The following KANK1 variants were observed in gnomAD, a reference collection of about 807,000 sequenced individuals.
The protein encoded by KANK1 is KN motif and ankyrin repeat domain-containing protein 1.
KANK1 carries 109 observed loss-of-function variants against 106.2 expected under a neutral mutation model. The observed-to-expected ratio is 1.03, with a 90% CI of 0.88 to 1.20. The LOEUF is 1.20. Ranked by LOEUF, KANK1 falls within the 50% of genes most tolerant of loss-of-function variation. The pLI, the probability that KANK1 is intolerant of heterozygous loss-of-function variation, is 0.00. For missense variants in KANK1, 2,399 were observed against 1,710.7 expected (o/e 1.40, Z -7.10); for synonymous variants, 873 against 652.2 (o/e 1.34, Z -5.16).
chr9:664,689 C>T (rs943811608), intron 1 of KANK1, among the ~76,000 whole-genome samples: 6 of 152,156 alleles, frequency 3.9e-5, no homozygotes, highest in African/African-American at 1.2e-4. Context: ...TAGAGAAATA[C>T]TCAGTAGTGG....
At chr9:638,910 A>G (rs1216325593) in intron 1 of KANK1, among the ~76,000 whole-genome samples, 2 of 152,224 alleles carry the variant, frequency 1.3e-5, no homozygotes, top group East Asian at 1.9e-4. Context: ...GGAGTAGTTC[A>G]TTCCTTTTTC....
intron 1 of KANK1, among the ~76,000 whole-genome samples, chr9:565,889 G>A (rs1035589196): frequency 3.5e-4 from 53 of 152,156 alleles, no homozygotes; most frequent in African/African-American, 1.2e-3. Flanking sequence ...TAGGTTCAGG[G>A]GTGCATGTGC....
intron 2 of KANK1, among the ~76,000 whole-genome samples, chr9:680,344 A>C (rs957660328): frequency 1.3e-5 from 2 of 152,086 alleles, no homozygotes; most frequent in African/African-American, 4.8e-5. Context: ...TAAATGGGAT[A>C]AGGGGTGATT....
intron 3 of KANK1, among the ~76,000 whole-genome samples, chr9:728,753 C>G (rs1297625464): frequency 6.6e-6 from 1 of 152,176 alleles, no homozygotes; most frequent in African/African-American, 2.4e-5. Flanking sequence ...CTTCACAACC[C>G]CTTATCTTAA....
intron 1 of KANK1, among the ~76,000 whole-genome samples, chr9:633,975 A>C (rs1290197167): frequency 2.0e-5 from 3 of 152,204 alleles, no homozygotes; most frequent in Non-Finnish European, 4.4e-5. Flanking sequence ...GTCAAAATCC[A>C]AGAAAACCTT....
chr9:544,234 T>C (rs977259214), intron 1 of KANK1, among the ~76,000 whole-genome samples: 1 of 152,030 alleles, frequency 6.6e-6, no homozygotes, highest in Non-Finnish European at 1.5e-5. Context: ...TTGCCCAGAC[T>C]GGTCTCGAAC....
chr9:625,526 AG>A (rs1172107629), intron 1 of KANK1, among the ~76,000 whole-genome samples: 11 of 152,030 alleles, frequency 7.2e-5, no homozygotes, highest in African/African-American at 2.7e-4. Context: ...GCCTTCTCAT[AG>A]TTATCCGTTG....
intron 1 of KANK1, among the ~76,000 whole-genome samples, chr9:592,980 C>A (rs1825340096): frequency 6.6e-6 from 1 of 151,832 alleles, no homozygotes; most frequent in South Asian, 2.1e-4. Flanking sequence ...GCGTCACCCA[C>A]CATAGCCTAC....
chr9:508,107 A>C (rs1254510726), intron 1 of KANK1, among the ~76,000 whole-genome samples: 82 of 130,292 alleles, frequency 6.3e-4, no homozygotes, highest in African/African-American at 2.1e-3. Context: ...CAGGTGTGAG[A>C]CACCCTGCTC....
At chr9:740,998 C>T (rs1197444961) in intron 9 of KANK1, 64 bp downstream of exon 9, 24 of 1,578,684 alleles carry the variant, frequency 1.5e-5, no homozygotes, top group African/African-American at 4.0e-5. Flanking sequence ...ACTGCGGTGG[C>T]CATTCTGGCA....
intron 1 of KANK1, among the ~76,000 whole-genome samples, chr9:662,426 A>G (rs1029586918): frequency 5.9e-5 from 9 of 152,302 alleles, no homozygotes; most frequent in African/African-American, 1.9e-4. Flanking sequence ...ACTTTAAACT[A>G]TACTACAAGG....
rs960741172 is a variant in KANK1 at position 558,761 on chromosome 9, G to C, written c.-84+54007G>C. On this transcript the variant is annotated intron_variant, in intron 1 of 11. Coordinates refer to ENST00000382297, the MANE Select transcript of KANK1 (RefSeq NM_015158.5). ...AATAGTATAAGGGCTAGAACAAAGA[G>C]TGTAGGCTGGTTTTTTGGCTTCAGC... 4 of 152,046 alleles carry C rather than the reference G, an allele frequency of 2.6e-5. No homozygotes were observed. The East Asian group carries it at 7.7e-4, about 29-fold the overall frequency. The allele number at this position is 152,046 out of a possible 1,614,324, so 9.4% of individuals were successfully genotyped here. A position where few individuals can be genotyped will look rare whatever the true frequency, so the allele number is the denominator to read the frequency against.
chr9:601,532 G>T (rs1184025939), intron 1 of KANK1, among the ~76,000 whole-genome samples: 2 of 151,744 alleles, frequency 1.3e-5, no homozygotes, highest in Non-Finnish European at 2.9e-5. Flanking sequence ...TTTGAAAGAA[G>T]ACCACAAAAG....
In KANK1 at chr9:618,107, G is replaced by A. The variant is rs562868919; in HGVS notation, c.-83-58783G>A. 3.9e-5 allele frequency among the ~76,000 whole-genome samples: 6 copies of A among 152,286 alleles called. No individual in the cohort carries two copies. In the East Asian group the frequency reaches 1.2e-3, roughly 29 times the overall value. On this transcript the variant is annotated intron_variant, in intron 1 of 11. Coordinates refer to ENST00000382297, the MANE Select transcript of KANK1 (RefSeq NM_015158.5). ...ACGGAATTCTGCTTCCTTTAGGTAAGGAAAAGTATTCCCAAGAACAAAATA... is the reference window on the plus strand; with the variant it reads ...ACGGAATTCTGCTTCCTTTAGGTAAAGAAAAGTATTCCCAAGAACAAAATA...
chr9:710,367 C>T lies in KANK1; in HGVS notation c.38-437C>T, dbSNP rs952523991. The stretch of plus-strand genomic sequence containing the variant: ...GCGCAGTGGCTCACGCCTGTAATCC[C>T]AGCACTTTGGGAGGCCAGGTTGGGT... On this transcript the variant is annotated intron_variant, in intron 2 of 11. Transcript: ENST00000382297. Among the ~76,000 whole-genome samples the T allele has an allele frequency of 1.3e-5, 2 of 152,080 alleles. 1 individual carries two copies.
Position 684,454 on chromosome 9 carries a change from A to T in KANK1, c.37+7445A>T, listed in dbSNP as rs1300111505. 6.1e-6 allele frequency: 6 copies of T among 985,348 alleles called. No homozygotes were observed. In the African/African-American group the frequency reaches 7.0e-5, roughly 11 times the overall value. 61.0% of individuals were successfully genotyped at this position (985,348 alleles called of 1,614,324 possible). A position where few individuals can be genotyped will look rare whatever the true frequency, so the allele number is the denominator to read the frequency against. On this transcript the variant is annotated intron_variant, in intron 2 of 11. Coordinates refer to ENST00000382297, the MANE Select transcript of KANK1 (RefSeq NM_015158.5). ...ACCCAACAGGGAGATTCGCTGTGTTAAGAACTCGAGCTGTTGCTATTATTC... is the reference window on the plus strand; with the variant it reads ...ACCCAACAGGGAGATTCGCTGTGTTTAGAACTCGAGCTGTTGCTATTATTC...
At chr9:666,362 G>GT (rs1844582015) in intron 1 of KANK1, among the ~76,000 whole-genome samples, 1 of 152,122 alleles carries the variant, frequency 6.6e-6, no homozygotes, top group African/African-American at 2.4e-5. Context: ...TAGTTTTTTG[G>GT]TTTTTAAAAA....
intron 1 of KANK1, among the ~76,000 whole-genome samples, chr9:513,223 G>A (rs996929161): frequency 1.2e-4 from 18 of 152,162 alleles, no homozygotes; most frequent in African/African-American, 4.3e-4. Flanking sequence ...CCTACACTTA[G>A]CATTTAAATT....
chr9:557,227 A>C (rs750117405), intron 1 of KANK1, among the ~76,000 whole-genome samples: 2 of 152,028 alleles, frequency 1.3e-5, no homozygotes, highest in African/African-American at 2.4e-5. Flanking sequence ...TTAGTTATAA[A>C]TGCACACTGA....
Sources: gnomAD v4.1 joint callset for allele counts (sites outside exome capture counted in the v4.1 genomes callset) on GRCh38, gnomAD v4.1.1 for gene constraint, MANE v1.5 for transcripts, NCBI Gene and HGNC (gene_info 2026-07-23, HGNC 2026-07-21) for gene names.